The following MUC5AC variants were observed in gnomAD, a reference collection of about 807,000 sequenced individuals.
MUC5AC encodes mucin 5AC, oligomeric mucus/gel-forming, also known as mucin-5AC.
MUC5AC carries 158 observed loss-of-function variants against 169.7 expected under a neutral mutation model. The observed-to-expected ratio is 0.93, with a 90% CI of 0.82 to 1.06. The LOEUF is 1.06. Among genes scored for constraint, MUC5AC ranks in the 50% least tolerant of loss-of-function variants. MUC5AC has a pLI of 0.00. For synonymous variants in MUC5AC, 1,975 were observed against 1,237.0 expected, an observed-to-expected ratio of 1.60 and a Z score of -12.52; for missense variants, 4,359 against 3,089.9, an observed-to-expected ratio of 1.41 and a Z score of -9.74.
chr11:1,174,644 C>A, intron 17 of MUC5AC, 22 bp downstream of exon 17: 3 of 930,028 alleles, frequency 3.2e-6, no homozygotes, highest in Non-Finnish European at 4.9e-6. Context: ...CCAAGCCCAG[C>A]CCCTTTCCCT....
At chr11:1,199,215 G>A (rs760247865) in intron 45 of MUC5AC, 30 bp downstream of exon 45, 5 of 745,574 alleles carry the variant, frequency 6.7e-6, no homozygotes, top group South Asian at 5.6e-5. Flanking sequence ...AAGAGGAAGG[G>A]CAGGGTCTGG....
At chr11:1,166,516 C>T (rs1860339547) in intron 11 of MUC5AC, among the ~76,000 whole-genome samples, 1 of 138,212 alleles carries the variant, frequency 7.2e-6, no homozygotes, top group African/African-American at 2.8e-5. Flanking sequence ...ACCCAACACA[C>T]AGTCTCTCCA....
rs1169287122 is a variant in MUC5AC, at chr11:1,173,876, TCACC to T, written c.1966-616_1966-613del. Among the ~76,000 whole-genome samples the T allele has an allele frequency of 2.6e-3, 282 of 109,404 alleles. 11 individuals carry two copies. Among genetic ancestry groups the T allele is most frequent in the African/African-American group, 8.8e-3 (263 of 29,894 alleles). 71.8% of individuals were successfully genotyped at this position (109,404 alleles called of 152,430 possible). A position where few individuals can be genotyped will look rare whatever the true frequency, so the allele number is the denominator to read the frequency against. ...TTCACCTACTCATTCATCCACTCAC[TCACC>T]CACTCACTCATCCACTCATTACTCA... On this transcript the variant is annotated intron_variant, in intron 16 of 48. Transcript: ENST00000621226.
Position 1,197,584 on chromosome 11 carries a change from C to G in MUC5AC, c.15978C>G (p.Phe5326Leu), listed in dbSNP as rs56138795. 6.9e-3 allele frequency: 4,990 copies of G among 723,614 alleles called. 180 individuals are homozygous for G. The African/African-American group carries it at 0.075, about 11-fold the overall frequency. 44.8% of individuals were successfully genotyped at this position (723,614 alleles called of 1,614,324 possible). ...PLPPACPLPG[F>L]VPVPAAPQAG... ...CCCCTGCCTGCCCCCTGCCCGGCTT[C>G]GTGCCTGTGCCTGCAGCCCCACAGG... Residue 5326 changes from phenylalanine to leucine, a missense_variant, in exon 41 of 49, where the codon TTC (phenylalanine) becomes TTG (leucine). Coordinates refer to ENST00000621226, the MANE Select transcript of MUC5AC (RefSeq NM_001304359.2).
intron 1 of MUC5AC, among the ~76,000 whole-genome samples, chr11:1,158,811 C>T (rs977504709): frequency 4.6e-5 from 7 of 152,190 alleles, no homozygotes; most frequent in South Asian, 2.1e-4. Context: ...CTGCCGAGAC[C>T]GCCACATGGC....
chr11:1,163,174 C>T, intron 6 of MUC5AC, 129 bp downstream of exon 6: 1 of 878,236 alleles, frequency 1.1e-6, no homozygotes, highest in Admixed American at 2.0e-5. Context: ...GCCCTCCCTC[C>T]TAGCACAGCA....
At position 1,179,005 on chromosome 11, in the gene MUC5AC, C is replaced by T. The variant is rs939043036; in HGVS notation, c.3328-87C>T. The T allele has an allele frequency of 3.4e-3, 1,243 of 368,006 alleles. 19 individuals are homozygous for T. The highest frequency in any genetic ancestry group is 0.031 in the African/African-American group (1,138 of 36,946). 22.8% of individuals were successfully genotyped at this position (368,006 alleles called of 1,614,324 possible). The stretch of plus-strand genomic sequence containing the variant: ...CCTGAGCTCCACTGGAACTCGGCCC[C>T]GGTCAATGTGCCAGCATGGGCCCGG... On this transcript the variant is annotated intron_variant, in intron 25 of 48. Transcript: ENST00000621226.
In MUC5AC at chr11:1,185,503, G is replaced by T. The variant is rs1236749811; in HGVS notation, c.7358G>T (p.Ser2453Ile). 8.5e-4 allele frequency: 611 copies of T among 721,506 alleles called. 5 individuals carry two copies. The African/African-American group carries it at 9.4e-3, about 11-fold the overall frequency. The allele number at this position is 721,506 out of a possible 1,614,324, so 44.7% of individuals were successfully genotyped here. A position where few individuals can be genotyped will look rare whatever the true frequency, so the allele number is the denominator to read the frequency against. The change falls in exon 31 of 49, where the codon AGC becomes ATC. Residue 2453 changes from serine to isoleucine, a missense_variant. Coordinates refer to ENST00000621226, the MANE Select transcript of MUC5AC (RefSeq NM_001304359.2). Reference protein sequence around the residue: ...STTSGPGTTPSPVPTTSTTSA... With the variant: ...STTSGPGTTPIPVPTTSTTSA... ...ACTTCTGGTCCTGGAACTACCCCAA[G>T]CCCTGTTCCCACGACCAGCACAACC...
Position 1,189,721 on chromosome 11 carries a change from C to T in MUC5AC, c.11576C>T (p.Pro3859Leu), listed in dbSNP as rs2133764394. Residue 3859 changes from proline to leucine, a missense_variant, in exon 31 of 49, where the codon CCT becomes CTT. Coordinates refer to ENST00000621226, the MANE Select transcript of MUC5AC (RefSeq NM_001304359.2). ...STPQTSISSA[P>L]TSSTTSAPTA... is the part of the protein sequence containing the mutation. ...CCACAGACCAGCATATCCTCTGCCC[C>T]TACAAGCAGCACAACCTCTGCTCCT... 2 of 643,996 alleles carry T rather than the reference C, an allele frequency of 3.1e-6. No homozygotes were observed. Among genetic ancestry groups the T allele is most frequent in the Non-Finnish European group, 2.8e-6 (1 of 354,470 alleles). 39.9% of individuals were successfully genotyped at this position (643,996 alleles called of 1,614,324 possible). A position where few individuals can be genotyped will look rare whatever the true frequency, so the allele number is the denominator to read the frequency against.
chr11:1,194,172 C>G lies in MUC5AC; in HGVS notation c.14818C>G (p.Leu4940Val). The G allele has an allele frequency of 2.6e-6, 2 of 765,104 alleles. No individual in the cohort carries two copies. Among genetic ancestry groups the G allele is most frequent in the East Asian group, 4.8e-5 (2 of 41,254 alleles). 47.4% of individuals were successfully genotyped at this position (765,104 alleles called of 1,614,324 possible). The change falls in exon 34 of 49, where the codon CTG becomes GTG. Residue 4940 changes from leucine (L) to valine (V), a missense_variant. Coordinates refer to ENST00000621226, the MANE Select transcript of MUC5AC (RefSeq NM_001304359.2). Reference protein sequence around the residue: ...ITFDGTYYTFLDNCTYVLVQQ... With the variant: ...ITFDGTYYTFVDNCTYVLVQQ... Reference sequence around the variant, plus strand: ...CTTCGACGGCACCTACTACACCTTCCTGGACAACTGCACGTACGTGCTGGT... The same window carrying G: ...CTTCGACGGCACCTACTACACCTTCGTGGACAACTGCACGTACGTGCTGGT...
At chr11:1,199,339 G>T (rs1391670710) in intron 45 of MUC5AC, 32 bp from the exon 46 acceptor site, 2 of 703,130 alleles carry the variant, frequency 2.8e-6, no homozygotes, top group Non-Finnish European at 5.2e-6. Context: ...CGGAGGGAGG[G>T]TCACTCACCC....
At position 1,190,624 on chromosome 11, in the gene MUC5AC, G is replaced by A; in HGVS notation, c.12479G>A (p.Ser4160Asn). ...TTSTTLAPTT[S>N]TTSAPTTSTN... ...AGCACAACCTTGGCTCCTACAACCA[G>A]CACAACCTCTGCTCCAACAACCAGC... Residue 4160 changes from serine (S) to asparagine (N), a missense_variant, in exon 31 of 49, where the codon AGC becomes AAC. By Grantham distance (46) the Ser-to-Asn change is conservative. Transcript: ENST00000621226. 1 of 695,604 alleles carries A rather than the reference G, an allele frequency of 1.4e-6. No individual in the cohort carries two copies. Among genetic ancestry groups the A allele is most frequent in the Non-Finnish European group, 2.6e-6 (1 of 381,392 alleles). The allele number at this position is 695,604 out of a possible 1,614,324, so 43.1% of individuals were successfully genotyped here.
chr11:1,158,817 A>G (rs1378873265), intron 1 of MUC5AC, among the ~76,000 whole-genome samples: 2 of 152,134 alleles, frequency 1.3e-5, no homozygotes. Context: ...AGACCGCCAC[A>G]TGGCCCACCC....
chr11:1,161,488 G>A lies in MUC5AC; in HGVS notation c.152-39G>A, dbSNP rs773032086. On this transcript the variant is annotated intron_variant, in intron 2 of 48. Transcript: ENST00000621226. ...TGGCTGCGGAGCCCCCGCCCCACGT[G>A]GGGCCGTGCGTGAATCCTACCAGCC... 1.2e-5 allele frequency: 18 copies of A among 1,526,572 alleles called. No individual in the cohort carries two copies. In the South Asian group the frequency reaches 2.2e-4, roughly 19 times the overall value. 94.6% of individuals were successfully genotyped at this position (1,526,572 alleles called of 1,614,324 possible). A position where few individuals can be genotyped will look rare whatever the true frequency, so the allele number is the denominator to read the frequency against.
intron 15 of MUC5AC, among the ~76,000 whole-genome samples, chr11:1,170,906 TCACTCACCTCACTCAC>T: frequency 8.5e-6 from 1 of 117,034 alleles, no homozygotes. Flanking sequence ...ACTCACCCAC[TCACTCACCTCACTCAC>T]TCACCCACTC....
chr11:1,192,594 A>G, intron 31 of MUC5AC, 69 bp downstream of exon 31: 1 of 734,454 alleles, frequency 1.4e-6, no homozygotes, highest in Non-Finnish European at 2.5e-6. Context: ...AGGAACGCCA[A>G]GCTGTGATGA....
At position 1,181,406 on chromosome 11, in the gene MUC5AC, G is replaced by GCCCCCCCCCCCCCGGCCC; in HGVS notation, c.3960_3961insCCCCCCCCCGGCCCCCCC (p.Pro1320_Thr1321insProProProGlyProPro). The stretch of plus-strand genomic sequence containing the variant: ...ATTGAGAGGAGGGTCTACCCCTGCA[G>GCCCCCCCCCCCCCGGCCC]CCCCACCACCCCTGTCCCCCCAACC... On this transcript the variant is annotated inframe_insertion, in exon 30 of 49. Transcript: ENST00000621226. 2.6e-6 allele frequency: 1 copy of GCCCCCCCCCCCCCGGCCC among 390,786 alleles called. No individual in the cohort carries two copies. The highest frequency in any genetic ancestry group is 3.7e-5 in the East Asian group (1 of 27,374). The allele number at this position is 390,786 out of a possible 1,614,324, so 24.2% of individuals were successfully genotyped here. A position where few individuals can be genotyped will look rare whatever the true frequency, so the allele number is the denominator to read the frequency against.
At chr11:1,194,712 G>T (rs1861216026) in intron 35 of MUC5AC, 42 bp downstream of exon 35, 1 of 713,310 alleles carries the variant, frequency 1.4e-6, no homozygotes, top group African/African-American at 1.7e-5. Flanking sequence ...GCATTCGCGG[G>T]GGCGGGGGTG....
chr11:1,191,642 T>A lies in MUC5AC; in HGVS notation c.13497T>A (p.Ser4499=), dbSNP rs1476614605. ...TTSAPTTSTT[S]ASTASTTSGP... ...CTGCTCCTACAACCAGCACAACCTCTGCCTCTACAGCCAGCACAACCTCTG... is the reference window on the plus strand; with the variant it reads ...CTGCTCCTACAACCAGCACAACCTCAGCCTCTACAGCCAGCACAACCTCTG... The change falls in exon 31 of 49, where the codon TCT becomes TCA. Residue 4499 remains serine (S), a synonymous_variant. Coordinates refer to ENST00000621226, the MANE Select transcript of MUC5AC (RefSeq NM_001304359.2). 3.1e-3 allele frequency: 1,682 copies of A among 535,618 alleles called. 30 individuals carry two copies. Among genetic ancestry groups the A allele is most frequent in the Non-Finnish European group, 4.9e-3 (1,394 of 282,888 alleles). The allele number at this position is 535,618 out of a possible 1,614,324, so 33.2% of individuals were successfully genotyped here. A position where few individuals can be genotyped will look rare whatever the true frequency, so the allele number is the denominator to read the frequency against.
Sources: gnomAD v4.1 joint callset for allele counts (sites outside exome capture counted in the v4.1 genomes callset) on GRCh38, gnomAD v4.1.1 for gene constraint, MANE v1.5 for transcripts, NCBI Gene and HGNC (gene_info 2026-07-23, HGNC 2026-07-21) for gene names.